DAPK2: variants seen among roughly 807,000 people sequenced by gnomAD.
The protein encoded by DAPK2 is death-associated protein kinase 2.
DAPK2 carries 35 observed loss-of-function variants against 44.1 expected under a neutral mutation model. The observed-to-expected ratio is 0.79, with a 90% CI of 0.61 to 1.05. DAPK2 has a LOEUF of 1.05. Among genes scored for constraint, DAPK2 ranks in the 50% least tolerant of loss-of-function variants. The probability of loss-of-function intolerance (pLI) is 0.00; values close to 1 mark genes in which losing one functional copy is unlikely to be tolerated. For missense variants in DAPK2, 453 were observed against 483.2 expected, an observed-to-expected ratio of 0.94 and a Z score of 0.59; for synonymous variants, 174 against 182.6, an observed-to-expected ratio of 0.95 and a Z score of 0.38.
Position 64,036,309 on chromosome 15 carries a change from G to GTATA in DAPK2, c.92+3857_92+3860dup, listed in dbSNP as rs1175432400. Among the ~76,000 whole-genome samples the GTATA allele has an allele frequency of 8.8e-3, 534 of 60,506 alleles. 14 individuals are homozygous for GTATA. Among genetic ancestry groups the GTATA allele is most frequent in the African/African-American group, 0.021 (507 of 24,608 alleles). 39.7% of individuals were successfully genotyped at this position (60,506 alleles called of 152,430 possible). On this transcript the variant is annotated intron_variant, in intron 1 of 10. Transcript: ENST00000261891. Reference sequence around the variant, plus strand: ...TGTGTGTGTGTGTGTGTGTGTGTGTGTATATATATGTATATATATATATAT... The same window carrying GTATA: ...TGTGTGTGTGTGTGTGTGTGTGTGTGTATATATATATATGTATATATATATATAT...
intron 3 of DAPK2, among the ~76,000 whole-genome samples, chr15:63,960,692 T>C (rs1278198817): frequency 6.6e-6 from 1 of 152,248 alleles, no homozygotes; most frequent in Non-Finnish European, 1.5e-5. Context: ...GAGTTATAGT[T>C]TGATTGCACT....
intron 5 of DAPK2, 71 bp downstream of exon 6, chr15:63,930,336 C>T: frequency 7.0e-7 from 1 of 1,434,658 alleles, no homozygotes; most frequent in Non-Finnish European, 9.8e-7. Context: ...CGGATGTCAC[C>T]TGGAGCAGGA....
chr15:63,962,512 C>T (rs188520426), intron 3 of DAPK2, among the ~76,000 whole-genome samples: 16 of 152,286 alleles, frequency 1.1e-4, no homozygotes, highest in Admixed American at 1.3e-4. Context: ...ATGATGGTGA[C>T]GTACAAATGG....
intron 1 of DAPK2, among the ~76,000 whole-genome samples, chr15:64,011,480 A>G (rs1053196339): frequency 1.3e-5 from 2 of 152,178 alleles, no homozygotes; most frequent in Admixed American, 6.5e-5. Flanking sequence ...AGAATCGCTT[A>G]AACCCAGGAG....
At chr15:64,002,224 C>T (rs1037775780) in intron 1 of DAPK2, among the ~76,000 whole-genome samples, 3 of 152,162 alleles carry the variant, frequency 2.0e-5, no homozygotes, top group Admixed American at 6.5e-5. Flanking sequence ...CCCAGCTCAA[C>T]GCAGATCAAC....
At chr15:63,960,633 T>C (rs1424042313) in intron 3 of DAPK2, among the ~76,000 whole-genome samples, 3 of 152,242 alleles carry the variant, frequency 2.0e-5, no homozygotes, top group African/African-American at 7.2e-5. Context: ...AGGAGCAAGT[T>C]GTTCAGTTTC....
At chr15:63,975,940 G>A (rs2078334711) in intron 2 of DAPK2, among the ~76,000 whole-genome samples, 1 of 152,152 alleles carries the variant, frequency 6.6e-6, no homozygotes. Flanking sequence ...CAACTTTGGG[G>A]ATCATTCCCT....
chr15:64,001,980 A>G (rs2079096797), intron 1 of DAPK2, among the ~76,000 whole-genome samples: 1 of 152,124 alleles, frequency 6.6e-6, no homozygotes, highest in Admixed American at 6.6e-5. Flanking sequence ...CAAATTAATA[A>G]ATATCTGTTG....
upstream of DAPK2, among the ~76,000 whole-genome samples, chr15:64,043,947 A>G (rs404013): frequency 0.97 from 147,770 of 152,264 alleles, 71,868 homozygotes; most frequent in East Asian, 1. Flanking sequence ...CAAGGCCGCT[A>G]CTCAGATGCT....
intron 6 of DAPK2, 194 bp from the exon 8 acceptor site, chr15:63,926,287 T>G: frequency 5.0e-5 from 26 of 517,478 alleles, no homozygotes; most frequent in Non-Finnish European, 5.4e-5. Flanking sequence ...ATGGAGCTCC[T>G]CCTAAGCACC....
intron 8 of DAPK2, chr15:63,922,793 A>G (rs752631096): frequency 6.5e-7 from 1 of 1,535,600 alleles, no homozygotes; most frequent in East Asian, 2.4e-5. Flanking sequence ...CAGCTCTGAC[A>G]GGGATTCACT....
intron 1 of DAPK2, among the ~76,000 whole-genome samples, chr15:64,022,435 T>C (rs2079711174): frequency 6.6e-6 from 1 of 152,224 alleles, no homozygotes; most frequent in Non-Finnish European, 1.5e-5. Flanking sequence ...ACAAGTATTC[T>C]TCACTTCACC....
chr15:64,017,109 G>C (rs2079553062), intron 1 of DAPK2, among the ~76,000 whole-genome samples: 1 of 152,118 alleles, frequency 6.6e-6, no homozygotes, highest in South Asian at 2.1e-4. Context: ...GGAGTTCTAG[G>C]GACCTACTGT....
rs546811079 is a variant in DAPK2, at chr15:63,923,465, T to C, written c.858+1351A>G. 1 of 1,450,852 alleles carries C rather than the reference T, an allele frequency of 6.9e-7. No individual in the cohort carries two copies. Among genetic ancestry groups the C allele is most frequent in the South Asian group, 1.4e-5 (1 of 70,020 alleles). 89.9% of individuals were successfully genotyped at this position (1,450,852 alleles called of 1,614,324 possible). On this transcript the variant is annotated intron_variant, in intron 8 of 10. Coordinates refer to ENST00000261891, the Ensembl canonical transcript of DAPK2. This position sits in a 1 kb window ranked among gnomAD's most constrained non-coding sequence, Gnocchi z 4.2. ...GGCATTCACTGCATGCGTCAGGCCA[T>C]GGGGAGAACCAGGGTGGGATGAGCA...
intron 5 of DAPK2, 121 bp downstream of exon 6, chr15:63,930,286 C>G (rs2079498639): frequency 4.9e-6 from 5 of 1,012,192 alleles, no homozygotes; most frequent in South Asian, 3.9e-5. Flanking sequence ...GCCAGAGGCT[C>G]TGAACAGTGA....
chr15:64,030,068 T>TC (rs1314307613), intron 1 of DAPK2: 3 of 152,268 alleles, frequency 2.0e-5, no homozygotes, highest in Non-Finnish European at 4.4e-5. Context: ...GGAGGGCAGA[T>TC]CACATGAGGT....
intron 8 of DAPK2, 174 bp downstream of exon 9, chr15:63,924,642 C>A: frequency 1.6e-6 from 1 of 615,120 alleles, no homozygotes; most frequent in South Asian, 2.1e-5. Context: ...AGCAAATAAA[C>A]CTATTCGAAT....
At chr15:64,014,894 C>T (rs1417933026) in intron 1 of DAPK2, among the ~76,000 whole-genome samples, 1 of 149,108 alleles carries the variant, frequency 6.7e-6, no homozygotes, top group Non-Finnish European at 1.5e-5. Context: ...AGCCACTTCA[C>T]TCTAGCCTGG....
At chr15:64,034,724 C>T (rs1224559863) in intron 1 of DAPK2, among the ~76,000 whole-genome samples, 1 of 152,226 alleles carries the variant, frequency 6.6e-6, no homozygotes, top group Non-Finnish European at 1.5e-5. Context: ...AGTTCCACTT[C>T]CTCCAATGCT....
Sources: allele counts gnomAD v4.1 joint callset (sites outside exome capture counted in the v4.1 genomes callset), GRCh38; gene constraint gnomAD v4.1.1; non-coding constraint Gnocchi (gnomAD v3.1); transcripts MANE v1.5; gene names NCBI Gene and HGNC (gene_info 2026-07-23, HGNC 2026-07-21).